Variants in PCDHA6 observed in about 807,000 individuals in gnomAD.
PCDHA6 encodes protocadherin alpha 6, also known as protocadherin alpha-6.
A neutral mutation model predicts 60.3 loss-of-function variants in PCDHA6; 55 were observed. That is an observed-to-expected ratio of 0.91 (90% CI 0.73 to 1.14). The LOEUF (loss-of-function observed/expected upper bound fraction) is 1.14, where lower values mean the gene tolerates loss of function less well. PCDHA6 is among the 50% of genes most tolerant of loss of function. The pLI is 0.00. For missense variants in PCDHA6, 1,327 were observed against 1,256.5 expected (o/e 1.06, Z -0.85); for synonymous variants, 652 against 557.9 (o/e 1.17, Z -2.38).
At chr5:140,869,479 A>G (rs781927972) in intron 1 of PCDHA6, 35 of 1,614,086 alleles carry the variant, frequency 2.2e-5, no homozygotes, top group Middle Eastern at 1.6e-4. Context: ...GGTGAAGGAC[A>G]TTAACGACAA....
intron 1 of PCDHA6, among the ~76,000 whole-genome samples, chr5:140,937,334 G>T (rs1459343291): frequency 3.3e-5 from 5 of 152,092 alleles, no homozygotes; most frequent in African/African-American, 1.2e-4. Flanking sequence ...ACCGCGCCCG[G>T]CTTCTTCCAT....
chr5:140,872,867 A>G (rs549673745), intron 1 of PCDHA6, among the ~76,000 whole-genome samples: 37 of 152,332 alleles, frequency 2.4e-4, no homozygotes, highest in African/African-American at 8.7e-4. Flanking sequence ...CCTACTGACA[A>G]TTATCAGTTT....
At chr5:140,850,196 A>G (rs1367952118) in intron 1 of PCDHA6, 1 of 1,592,698 alleles carries the variant, frequency 6.3e-7, no homozygotes, top group East Asian at 2.2e-5. Context: ...CGCTGCTGAC[A>G]CCTCGGATGA....
At chr5:140,883,467 C>T in intron 1 of PCDHA6, 1 of 1,614,170 alleles carries the variant, frequency 6.2e-7, no homozygotes, top group Non-Finnish European at 8.5e-7. Flanking sequence ...CTGGTGTCCA[C>T]CTACAAGAAC....
intron 1 of PCDHA6, chr5:140,836,861 T>A (rs1774783452): frequency 2.6e-6 from 2 of 770,272 alleles, no homozygotes; most frequent in South Asian, 4.4e-5. Context: ...TATTTTTTAA[T>A]GTTATGCTGT....
In PCDHA6 at chr5:140,842,901, A is replaced by G. The variant is rs150252824; in HGVS notation, c.2394+12416A>G. ...GCGCTGCAGCCGCTGGACCACGAGG[A>G]GCTAGAGCTGCTGCAGTTCCAGGTG... On this transcript the variant is annotated intron_variant, in intron 1 of 3. Transcript: ENST00000529310. 211 of 1,594,012 alleles carry G rather than the reference A, an allele frequency of 1.3e-4. 20 individuals carry two copies. Among genetic ancestry groups the G allele is most frequent in the Non-Finnish European group, 1.7e-4 (198 of 1,165,384 alleles).
At chr5:140,968,455 G>C in intron 1 of PCDHA6, 2 of 1,614,084 alleles carry the variant, frequency 1.2e-6, no homozygotes, top group Non-Finnish European at 1.7e-6. Context: ...GCAGCACTGT[G>C]ACTGCCAACG....
intron 1 of PCDHA6, chr5:140,866,368 T>C (rs1172516799): frequency 6.6e-6 from 1 of 152,138 alleles, no homozygotes; most frequent in Non-Finnish European, 1.5e-5. Flanking sequence ...TATTGCATAC[T>C]TCAATAACAA....
At chr5:140,882,333 C>A in intron 1 of PCDHA6, 1 of 1,614,220 alleles carries the variant, frequency 6.2e-7, no homozygotes, top group Non-Finnish European at 8.5e-7. Context: ...CTGATCCTCG[C>A]AGCCTGGGAG....
intron 3 of PCDHA6, among the ~76,000 whole-genome samples, chr5:141,000,251 G>C (rs2097898188): frequency 6.6e-6 from 1 of 151,264 alleles, no homozygotes; most frequent in Non-Finnish European, 1.5e-5. Context: ...GCTGACACCT[G>C]TGATCCTAGC....
At chr5:141,006,363 C>A (rs2098270160) in intron 3 of PCDHA6, among the ~76,000 whole-genome samples, 1 of 152,080 alleles carries the variant, frequency 6.6e-6, no homozygotes, top group Non-Finnish European at 1.5e-5. Context: ...AGGCGCCCAC[C>A]ACCACGCCCG....
At chr5:140,935,894 CTT>C (rs55841305) in intron 1 of PCDHA6, among the ~76,000 whole-genome samples, 8 of 136,706 alleles carry the variant, frequency 5.9e-5, no homozygotes, top group Non-Finnish European at 3.1e-5. Context: ...TCAATATTAT[CTT>C]TTTTTTTTTT....
At chr5:140,917,332 G>GC (rs1293292013) in intron 1 of PCDHA6, among the ~76,000 whole-genome samples, 1 of 145,540 alleles carries the variant, frequency 6.9e-6, no homozygotes, top group Non-Finnish European at 1.5e-5. Flanking sequence ...GGCGGGGGAG[G>GC]GGGGGGATGG....
At position 140,829,411 on chromosome 5, in the gene PCDHA6, C is replaced by T; in HGVS notation, c.1320C>T (p.Ser440=). Residue 440 remains serine, a synonymous_variant, in exon 1 of 4, where the codon AGC becomes AGT. Transcript: ENST00000529310. Reference sequence around the variant, plus strand: ...CGCCTTCGCTGTGGGCCACCGCCAGCTTGTCTGTGGAGGTGGCCGACATGA... The same window carrying T: ...CGCCTTCGCTGTGGGCCACCGCCAGTTTGTCTGTGGAGGTGGCCGACATGA... ...GGSPSLWATA[S]LSVEVADMND... 6.2e-7 allele frequency: 1 copy of T among 1,614,148 alleles called. No homozygotes were observed.
rs2150409017 is a variant in PCDHA6, at chr5:140,848,335, G to A, written c.2394+17850G>A. ...TGCCGCGATGTTCTCTCTGAATCCA[G>A]ACAAATACAGCCCTTTTCCCATGGG... On this transcript the variant is annotated intron_variant, in intron 1 of 3. Transcript: ENST00000529310. The A allele has an allele frequency of 1.4e-5, 12 of 865,274 alleles. 2 individuals carry two copies. The highest frequency in any genetic ancestry group is 2.2e-5 in the Non-Finnish European group (12 of 551,794). 53.6% of individuals were successfully genotyped at this position (865,274 alleles called of 1,614,324 possible). A position where few individuals can be genotyped will look rare whatever the true frequency, so the allele number is the denominator to read the frequency against.
chr5:140,835,661 C>A (rs2150241056), intron 1 of PCDHA6: 5 of 1,613,768 alleles, frequency 3.1e-6, no homozygotes, highest in Non-Finnish European at 4.2e-6. Flanking sequence ...TGGTGGTTAC[C>A]GCGCGGGACG....
intron 2 of PCDHA6, among the ~76,000 whole-genome samples, chr5:140,979,453 A>G (rs2096852067): frequency 6.6e-6 from 1 of 151,906 alleles, no homozygotes; most frequent in Admixed American, 6.6e-5. Flanking sequence ...TATTACCCTC[A>G]ATAATTGATT....
At chr5:140,941,217 T>TCCTTTCTTTCTTTCTTTCTTTCTG (rs2092892388) in intron 1 of PCDHA6, among the ~76,000 whole-genome samples, 1 of 126,078 alleles carries the variant, frequency 7.9e-6, no homozygotes, top group Non-Finnish European at 1.7e-5. Context: ...CTTTCTTCCT[T>TCCTTTCTTTCTTTCTTTCTTTCTG]TCTTTCTTTC....
At position 140,835,754 on chromosome 5, in the gene PCDHA6, G is replaced by C. The variant is rs1562349342; in HGVS notation, c.2394+5269G>C. On this transcript the variant is annotated intron_variant, in intron 1 of 3. Coordinates refer to ENST00000529310, the MANE Select transcript of PCDHA6 (RefSeq NM_018909.4). ...ACGACAACGCCCCGGCGTTCGCGCA[G>C]CCCGAGTATACGGTGTTCGTGAAGG... 3.1e-6 allele frequency: 5 copies of C among 1,613,576 alleles called. No individual in the cohort carries two copies. In the Admixed American group the frequency reaches 8.3e-5, roughly 27 times the overall value.
Sources: gnomAD v4.1 joint callset for allele counts (sites outside exome capture counted in the v4.1 genomes callset) on GRCh38, gnomAD v4.1.1 for gene constraint, MANE v1.5 for transcripts, NCBI Gene and HGNC (gene_info 2026-07-23, HGNC 2026-07-21) for gene names.